Variants in MAST4 observed in about 807,000 individuals in gnomAD.
MAST4 encodes microtubule-associated serine/threonine-protein kinase 4.
MAST4 carries 89 observed loss-of-function variants against 162.7 expected under a neutral mutation model. The observed-to-expected ratio is 0.55, with a 90% confidence interval of 0.46 to 0.65. The LOEUF is 0.65. MAST4 is among the 30% of genes least tolerant of loss of function. MAST4 has a pLI of 0.00. For missense variants in MAST4, 3,153 were observed against 3,374.0 expected (o/e 0.93, Z 1.62); for synonymous variants, 1,479 against 1,361.1 (o/e 1.09, Z -1.91).
intron 4 of MAST4, among the ~76,000 whole-genome samples, chr5:66,930,342 C>A (rs1742044622): frequency 6.6e-6 from 1 of 152,184 alleles, no homozygotes; most frequent in South Asian, 2.1e-4. Context: ...TTGCTTTTTA[C>A]TGTTGTTTCA....
chr5:66,996,327 C>T (rs983853545), intron 4 of MAST4, among the ~76,000 whole-genome samples: 3 of 151,766 alleles, frequency 2.0e-5, no homozygotes, highest in Non-Finnish European at 2.9e-5. Context: ...CGTTTTTATT[C>T]GTATATAACC....
At chr5:66,675,523 C>T (rs1161982341) in intron 1 of MAST4, among the ~76,000 whole-genome samples, 1 of 144,982 alleles carries the variant, frequency 6.9e-6, no homozygotes, top group Non-Finnish European at 1.5e-5. Context: ...TCTCAAGTCT[C>T]ATGTACAAGT....
chr5:66,776,608 C>T (rs886210035), intron 2 of MAST4, among the ~76,000 whole-genome samples: 2 of 152,014 alleles, frequency 1.3e-5, no homozygotes, highest in Middle Eastern at 3.2e-3. Context: ...CTTAAATATT[C>T]TTCTAGGCAG....
intron 2 of MAST4, among the ~76,000 whole-genome samples, chr5:66,774,667 C>T (rs1283200237): frequency 6.6e-6 from 1 of 152,134 alleles, no homozygotes; most frequent in Non-Finnish European, 1.5e-5. Flanking sequence ...TTCCTTGTAT[C>T]CTCAAAGCAA....
rs534405479 is a variant in MAST4 at position 66,911,234 on chromosome 5, C to T, written c.674+11252C>T. 1.3e-3 allele frequency among the ~76,000 whole-genome samples: 196 copies of T among 152,144 alleles called. 2 individuals are homozygous for T. The highest frequency in any genetic ancestry group is 8.7e-3 in the South Asian group (42 of 4,828). On this transcript the variant is annotated intron_variant, in intron 4 of 28. Transcript: ENST00000403625. ...CACTCACATAACTTTTGACCAGCAC[C>T]GTAAGGAAATTCTCTGCAGATAGTT...
chr5:67,164,372 G>A lies in MAST4; in HGVS notation c.5193G>A (p.Glu1731=). 3.1e-6 allele frequency: 5 copies of A among 1,613,946 alleles called. No individual in the cohort carries two copies. Among genetic ancestry groups the A allele is most frequent in the Non-Finnish European group, 4.2e-6 (5 of 1,179,868 alleles). Reference sequence around the variant, plus strand: ...TCCGACCCACGGGTGGGCAGCAGGAGCCCCCGCCGGCTTCTGAGAGCCGAG... The same window carrying A: ...TCCGACCCACGGGTGGGCAGCAGGAACCCCCGCCGGCTTCTGAGAGCCGAG... ...NPVRPTGGQQ[E]PPPASESRAF... is the part of the protein sequence containing the mutation. Residue 1731 remains glutamate, a synonymous_variant, in exon 29 of 29, where the codon GAG becomes GAA. Coordinates refer to ENST00000403625, the MANE Select transcript of MAST4 (RefSeq NM_001164664.2). The surrounding 1 kb of genome is among the most constrained non-coding windows in gnomAD (Gnocchi z 5.3).
At chr5:66,806,269 G>A (rs538390380) in intron 3 of MAST4, among the ~76,000 whole-genome samples, 10 of 152,308 alleles carry the variant, frequency 6.6e-5, no homozygotes, top group African/African-American at 2.2e-4. Context: ...GCAGGGAGAG[G>A]CTTGGGCAGG....
chr5:66,853,971 AG>A (rs1759496181), intron 3 of MAST4, among the ~76,000 whole-genome samples: 1 of 152,226 alleles, frequency 6.6e-6, no homozygotes, highest in Non-Finnish European at 1.5e-5. Flanking sequence ...AAAATAAGTT[AG>A]GGAAGTTGCA....
At chr5:67,002,544 G>A (rs1751410900) in intron 4 of MAST4, among the ~76,000 whole-genome samples, 1 of 152,236 alleles carries the variant, frequency 6.6e-6, no homozygotes. Flanking sequence ...ACTCTAGAGA[G>A]TAGAAAGAAG....
chr5:66,611,649 C>T (rs1743294990), intron 1 of MAST4, among the ~76,000 whole-genome samples: 1 of 152,212 alleles, frequency 6.6e-6, no homozygotes, highest in South Asian at 2.1e-4. Flanking sequence ...ATGATAAAGA[C>T]AGTCTTACCA....
intron 3 of MAST4, among the ~76,000 whole-genome samples, chr5:66,865,115 T>C (rs948890777): frequency 1.3e-5 from 2 of 152,218 alleles, no homozygotes; most frequent in Non-Finnish European, 2.9e-5. Flanking sequence ...GTGGTGTTCT[T>C]TGCTGGAGAT....
At chr5:67,051,710 T>C (rs1736384732) in intron 4 of MAST4, among the ~76,000 whole-genome samples, 1 of 152,148 alleles carries the variant, frequency 6.6e-6, no homozygotes, top group South Asian at 2.1e-4. Flanking sequence ...TATCAAGATA[T>C]AGGTATTTGG....
At chr5:66,936,176 C>T (rs892118319) in intron 4 of MAST4, among the ~76,000 whole-genome samples, 5 of 152,136 alleles carry the variant, frequency 3.3e-5, no homozygotes, top group Admixed American at 6.5e-5. Context: ...TGTGAATTTG[C>T]GTTGGGCAGG....
intron 2 of MAST4, among the ~76,000 whole-genome samples, chr5:66,774,436 G>A (rs1247103869): frequency 1.3e-5 from 2 of 152,124 alleles, no homozygotes; most frequent in Non-Finnish European, 2.9e-5. Flanking sequence ...TGCCCTCTTA[G>A]GTGTATAAAC....
intron 3 of MAST4, 144 bp downstream of exon 3, chr5:66,788,938 C>A: frequency 8.6e-7 from 1 of 1,168,248 alleles, no homozygotes; most frequent in Non-Finnish European, 1.1e-6. Context: ...TCCTTGCTTT[C>A]AATGTGCTAA....
In MAST4 at chr5:67,165,390, G is replaced by A. The variant is rs1163172379; in HGVS notation, c.6211G>A (p.Glu2071Lys). Reference protein sequence around the residue: ...LHSAGIPCEKELGKVRRGVEP... With the variant: ...LHSAGIPCEKKLGKVRRGVEP... Reference sequence around the variant, plus strand: ...CTCAGCTGGAATTCCCTGTGAGAAGGAGCTGGGCAAGGTGAGGCGTGGCGT... The same window carrying A: ...CTCAGCTGGAATTCCCTGTGAGAAGAAGCTGGGCAAGGTGAGGCGTGGCGT... The change falls in exon 29 of 29, where the codon GAG (glutamate) becomes AAG (lysine). Residue 2071 changes from glutamate to lysine, a missense_variant. Glu to Lys is a moderately conservative substitution (Grantham distance 56). Around this residue, in one of 7 missense-constraint regions of MAST4, gnomAD observed 1,644 missense variants for 1,495.0 expected, o/e 1.10. Coordinates refer to ENST00000403625, the MANE Select transcript of MAST4 (RefSeq NM_001164664.2). The A allele has an allele frequency of 6.8e-6, 11 of 1,613,678 alleles. No individual in the cohort carries two copies. Among genetic ancestry groups the A allele is most frequent in the Non-Finnish European group, 1.7e-6 (2 of 1,179,870 alleles).
intron 8 of MAST4, among the ~76,000 whole-genome samples, chr5:67,102,320 G>A (rs1765120754): frequency 6.6e-6 from 1 of 152,100 alleles, no homozygotes; most frequent in Admixed American, 6.6e-5. Context: ...TCCACTTCTT[G>A]AGCTTTCTTT....
intron 1 of MAST4, among the ~76,000 whole-genome samples, chr5:66,640,309 CTTTT>C (rs770087325): frequency 7.1e-6 from 1 of 139,910 alleles, no homozygotes. Context: ...CAATTTGTTT[CTTTT>C]TTTTTTTTTT....
chr5:66,990,221 C>T (rs1056131322), intron 4 of MAST4, among the ~76,000 whole-genome samples: 12 of 152,130 alleles, frequency 7.9e-5, no homozygotes, highest in African/African-American at 2.9e-4. Flanking sequence ...ACTAACTATC[C>T]TAGCAACAGT....
Sources: allele counts gnomAD v4.1 joint callset (sites outside exome capture counted in the v4.1 genomes callset), GRCh38; gene constraint gnomAD v4.1.1; regional missense constraint gnomAD v4.1.1; non-coding constraint Gnocchi (gnomAD v3.1); transcripts MANE v1.5; gene names NCBI Gene and HGNC (gene_info 2026-07-23, HGNC 2026-07-21).